Variants in PEX5L observed in about 807,000 individuals in gnomAD.
PEX5L encodes the protein PEX5-related protein.
Under a neutral mutation model 84.0 loss-of-function variants are expected in PEX5L, and 30 were observed. The observed-to-expected ratio is 0.36, with a 90% CI of 0.27 to 0.48. The LOEUF (loss-of-function observed/expected upper bound fraction) is 0.48, where lower values mean the gene tolerates loss of function less well. Among genes scored for constraint, PEX5L ranks in the 20% least tolerant of loss-of-function variants. The pLI, the probability that PEX5L is intolerant of heterozygous loss-of-function variation, is 0.99. For missense variants in PEX5L, 533 were observed against 754.6 expected, an observed-to-expected ratio of 0.71 and a Z score of 3.44; for synonymous variants, 270 against 283.1, an observed-to-expected ratio of 0.95 and a Z score of 0.46.
chr3:179,963,164 A>C (rs1782486817), intron 2 of PEX5L, among the ~76,000 whole-genome samples: 2 of 152,102 alleles, frequency 1.3e-5, no homozygotes, highest in Non-Finnish European at 2.9e-5. Flanking sequence ...CTGCTTGGAA[A>C]ACTGGGGAAG....
chr3:179,808,586 A>G (rs1722323840), intron 12 of PEX5L, 149 bp from the exon 13 acceptor site: 1 of 501,048 alleles, frequency 2.0e-6, no homozygotes, highest in African/African-American at 2.0e-5. Flanking sequence ...TGAGAGGACT[A>G]TTAATGCTGA....
intron 1 of PEX5L, among the ~76,000 whole-genome samples, chr3:179,994,497 C>T (rs970246820): frequency 6.6e-6 from 1 of 152,158 alleles, no homozygotes; most frequent in Non-Finnish European, 1.5e-5. Context: ...ACCCCTCAGA[C>T]ACCCCTTATC....
chr3:179,894,661 TA>T (rs1482728555), intron 3 of PEX5L, among the ~76,000 whole-genome samples: 1 of 152,104 alleles, frequency 6.6e-6, no homozygotes, highest in Non-Finnish European at 1.5e-5. Flanking sequence ...GCCTTGAAAA[TA>T]TTCTTCCAAT....
In PEX5L at chr3:179,977,969, G is replaced by T. The variant is rs76705460; in HGVS notation, c.22-6304C>A. ...CAAGCATGGGCAAACAAAACATATG[G>T]CAATCAGACTCACTTCTGAATGTAC... is the stretch of plus-strand genomic sequence containing the variant. On this transcript the variant is annotated intron_variant, in intron 1 of 14. Transcript: ENST00000467460. 1.2e-3 allele frequency among the ~76,000 whole-genome samples: 181 copies of T among 152,206 alleles called. 1 individual carries two copies. The highest frequency in any genetic ancestry group is 4.3e-3 in the African/African-American group (177 of 41,524).
chr3:179,841,964 G>T (rs1737487464), intron 8 of PEX5L, among the ~76,000 whole-genome samples: 1 of 152,314 alleles, frequency 6.6e-6, no homozygotes, highest in Middle Eastern at 3.4e-3. Flanking sequence ...AGTTCGTCAT[G>T]TCATAAATGT....
rs71182519 is a variant in PEX5L at position 179,808,446 on chromosome 3, GA to G, written c.1353-10del. ...CCCCTTCCAGAACAGAGCTACAAGA[GA>G]AAAAAAAAATTAGATTTGTAATCCA... On this transcript the variant is annotated splice_polypyrimidine_tract_variant and intron_variant, in intron 12 of 14. Transcript: ENST00000467460. 0.076 allele frequency: 103,304 copies of G among 1,355,636 alleles called. 3,899 individuals are homozygous for G. Among genetic ancestry groups the G allele is most frequent in the Non-Finnish European group, 0.086 (88,795 of 1,032,092 alleles). The allele number at this position is 1,355,636 out of a possible 1,614,324, so 84.0% of individuals were successfully genotyped here.
intron 1 of PEX5L, among the ~76,000 whole-genome samples, chr3:179,985,794 C>T (rs1786756486): frequency 6.6e-6 from 1 of 152,156 alleles, no homozygotes; most frequent in Non-Finnish European, 1.5e-5. Context: ...TCTCTGGGGG[C>T]CTTTCTGCCT....
chr3:179,980,275 C>T (rs1786201826), intron 1 of PEX5L, among the ~76,000 whole-genome samples: 1 of 152,006 alleles, frequency 6.6e-6, no homozygotes, highest in African/African-American at 2.4e-5. Context: ...TTATAATCAG[C>T]ATTTCTATTA....
chr3:180,025,679 TA>T lies in PEX5L; in HGVS notation c.21+10899del, dbSNP rs57954561. 4.4e-3 allele frequency among the ~76,000 whole-genome samples: 663 copies of T among 150,688 alleles called. 12 individuals carry two copies. Among genetic ancestry groups the T allele is most frequent in the African/African-American group, 0.015 (623 of 41,082 alleles). ...AGGCAAGGAATTGAGGACGAGGAAA[TA>T]AAAAAAAACTAGAACTGTGAGAAAA... On this transcript the variant is annotated intron_variant, in intron 1 of 14. Coordinates refer to ENST00000467460, the MANE Select transcript of PEX5L (RefSeq NM_016559.3).
At chr3:180,005,974 T>C (rs1019809113) in intron 1 of PEX5L, among the ~76,000 whole-genome samples, 4 of 152,248 alleles carry the variant, frequency 2.6e-5, no homozygotes, top group East Asian at 3.8e-4. Context: ...TATCTAGGCA[T>C]TAGAACATCC....
At chr3:179,895,663 G>A (rs1009510809) in intron 3 of PEX5L, 2 of 152,092 alleles carry the variant, frequency 1.3e-5, no homozygotes, top group Admixed American at 6.6e-5. Flanking sequence ...ACTAGAGTAT[G>A]TTTGGCTTAA....
At chr3:179,995,804 A>G (rs1207575060) in intron 1 of PEX5L, among the ~76,000 whole-genome samples, 1 of 152,152 alleles carries the variant, frequency 6.6e-6, no homozygotes, top group Non-Finnish European at 1.5e-5. Flanking sequence ...CCTGCAACGA[A>G]AGGTGCATGC....
chr3:179,972,323 C>A (rs1784967307), intron 1 of PEX5L, among the ~76,000 whole-genome samples: 1 of 151,064 alleles, frequency 6.6e-6, no homozygotes, highest in Non-Finnish European at 1.5e-5. Context: ...TTATTTTGTC[C>A]CAATGACCAC....
intron 2 of PEX5L, among the ~76,000 whole-genome samples, chr3:179,956,866 T>C (rs1327246878): frequency 6.6e-6 from 1 of 151,824 alleles, no homozygotes; most frequent in Non-Finnish European, 1.5e-5. Context: ...TCACGGTAAG[T>C]CAGTACGTAT....
intron 5 of PEX5L, among the ~76,000 whole-genome samples, chr3:179,878,148 A>T: frequency 6.6e-6 from 1 of 152,250 alleles, no homozygotes; most frequent in Non-Finnish European, 1.5e-5. Context: ...GCAGGTTCAA[A>T]GCTGAACTCA....
chr3:179,992,918 G>A (rs961936463), intron 1 of PEX5L, among the ~76,000 whole-genome samples: 2 of 152,014 alleles, frequency 1.3e-5, no homozygotes, highest in Non-Finnish European at 2.9e-5. Flanking sequence ...ACATATGTAT[G>A]TATTTTTCCT....
chr3:179,877,802 T>A (rs1752911538), intron 5 of PEX5L, among the ~76,000 whole-genome samples: 1 of 152,122 alleles, frequency 6.6e-6, no homozygotes, highest in Admixed American at 6.5e-5. Flanking sequence ...TGTTATTAAC[T>A]TATTTGTACA....
chr3:179,982,924 A>T (rs73178101), intron 1 of PEX5L, among the ~76,000 whole-genome samples: 20,749 of 151,780 alleles, frequency 0.14, 1,728 homozygotes, highest in African/African-American at 0.22. Context: ...TTTTTCTTTT[A>T]AAAAAAACCA....
intron 1 of PEX5L, among the ~76,000 whole-genome samples, chr3:180,032,089 A>G (rs1791516503): frequency 6.6e-6 from 1 of 152,230 alleles, no homozygotes; most frequent in Admixed American, 6.5e-5. Context: ...CACAACTATT[A>G]TAACTTTCAA....
Sources: gnomAD v4.1 joint callset for allele counts (sites outside exome capture counted in the v4.1 genomes callset) on GRCh38, gnomAD v4.1.1 for gene constraint, MANE v1.5 for transcripts, NCBI Gene and HGNC (gene_info 2026-07-23, HGNC 2026-07-21) for gene names.